The following DNAAF5 variants were observed in gnomAD, a reference collection of about 807,000 sequenced individuals.
DNAAF5 encodes dynein axonemal assembly factor 5.
In DNAAF5, 64 loss-of-function variants were observed where a neutral mutation model predicts 75.8. That is an observed-to-expected ratio of 0.84 (90% CI 0.69 to 1.04). DNAAF5 has a LOEUF of 1.04. Ranked by LOEUF, DNAAF5 falls within the 50% of genes least tolerant of loss-of-function variation. The pLI is 0.00. For missense variants in DNAAF5, 1,269 were observed against 1,178.5 expected, an observed-to-expected ratio of 1.08 and a Z score of -1.12; for synonymous variants, 657 against 557.2, an observed-to-expected ratio of 1.18 and a Z score of -2.52.
chr7:760,943 C>T (rs1347225985), intron 6 of DNAAF5, among the ~76,000 whole-genome samples: 2 of 152,358 alleles, frequency 1.3e-5, no homozygotes, highest in African/African-American at 2.4e-5. Context: ...GGCAGCAGAG[C>T]GACTGCCAGC....
intron 2 of DNAAF5, among the ~76,000 whole-genome samples, chr7:734,892 G>A: frequency 6.6e-6 from 1 of 152,134 alleles, no homozygotes; most frequent in Non-Finnish European, 1.5e-5. Context: ...CAGTGTAGCT[G>A]CTCACGGTGT....
At chr7:760,427 C>T (rs944638158) in intron 6 of DNAAF5, among the ~76,000 whole-genome samples, 6 of 152,182 alleles carry the variant, frequency 3.9e-5, no homozygotes, top group South Asian at 2.1e-4. Context: ...TACATGGCCA[C>T]GGTCCTGACT....
intron 6 of DNAAF5, among the ~76,000 whole-genome samples, chr7:760,064 ACGGGGCCGCGCGGCTCCTC>A (rs1262778176): frequency 1.9e-4 from 2 of 10,486 alleles, no homozygotes; most frequent in Admixed American, 1.1e-3. Context: ...TCCGAGGGAG[ACGGGGCCGCGCGGCTCCTC>A]CAGCTCTGAG....
At chr7:764,508 C>T (rs1318292608) in intron 8 of DNAAF5, among the ~76,000 whole-genome samples, 1 of 152,222 alleles carries the variant, frequency 6.6e-6, no homozygotes, top group Admixed American at 6.5e-5. Context: ...GGACACACGG[C>T]CCGCGCTGCT....
intron 8 of DNAAF5, among the ~76,000 whole-genome samples, chr7:770,156 T>C (rs1778506103): frequency 2.6e-5 from 4 of 152,176 alleles, no homozygotes; most frequent in Admixed American, 2.6e-4. Flanking sequence ...TTCACCATGT[T>C]GACCAGGCTG....
chr7:750,303 G>A (rs969067256), intron 4 of DNAAF5, among the ~76,000 whole-genome samples: 2 of 152,178 alleles, frequency 1.3e-5, no homozygotes, highest in African/African-American at 4.8e-5. Context: ...ATCTAGGCTT[G>A]TGTACGTCAC....
chr7:773,357 C>G (rs1262148551), intron 9 of DNAAF5, among the ~76,000 whole-genome samples: 1 of 152,210 alleles, frequency 6.6e-6, no homozygotes, highest in Non-Finnish European at 1.5e-5. Flanking sequence ...GGCTGTGGAG[C>G]TGGTCTTGGA....
chr7:764,110 A>G (rs937842796), intron 8 of DNAAF5, 136 bp downstream of exon 8: 21 of 889,534 alleles, frequency 2.4e-5, no homozygotes, highest in African/African-American at 2.3e-4. Flanking sequence ...AAAGTACCCA[A>G]TAGTCACTCT....
intron 8 of DNAAF5, among the ~76,000 whole-genome samples, chr7:765,403 A>G (rs974005525): frequency 3.3e-5 from 5 of 152,282 alleles, no homozygotes; most frequent in Middle Eastern, 3.4e-3. Flanking sequence ...TGTTACTCCT[A>G]ACAACCTCTT....
At chr7:745,081 T>G (rs73032421) in intron 4 of DNAAF5, among the ~76,000 whole-genome samples, 56,858 of 151,774 alleles carry the variant, frequency 0.37, 10,776 homozygotes, top group South Asian at 0.5. Context: ...GTCGGACCTT[T>G]AAGCTAAGCT....
At chr7:759,079 A>G (rs963247188) in intron 6 of DNAAF5, among the ~76,000 whole-genome samples, 1 of 148,986 alleles carries the variant, frequency 6.7e-6, no homozygotes, top group Non-Finnish European at 1.5e-5. Flanking sequence ...TGCTCTTCCC[A>G]CGCCCCTGTG....
chr7:760,032 A>G (rs988897307), intron 6 of DNAAF5, among the ~76,000 whole-genome samples: 1 of 151,622 alleles, frequency 6.6e-6, no homozygotes, highest in Non-Finnish European at 1.5e-5. Flanking sequence ...GGGCCACGAC[A>G]GGGCCACACG....
At chr7:766,396 C>G (rs781422418) in intron 8 of DNAAF5, among the ~76,000 whole-genome samples, 8 of 152,100 alleles carry the variant, frequency 5.3e-5, no homozygotes, top group African/African-American at 9.7e-5. Flanking sequence ...TTAAATTTCT[C>G]ATTTACAAAA....
chr7:744,124 G>A (rs1357335893), intron 4 of DNAAF5, among the ~76,000 whole-genome samples: 1 of 151,928 alleles, frequency 6.6e-6, no homozygotes, highest in African/African-American at 2.4e-5. Flanking sequence ...AGAGTGTGAT[G>A]TTCCCCTTCC....
At position 745,339 on chromosome 7, in the gene DNAAF5, C is replaced by G. The variant is rs1268592862; in HGVS notation, c.1024+3874C>G. ...TCCCGCTGTGCACCGGAGAGGGAGG[C>G]GGGGGGTCGGGGGGACTGTTTCTGG... On this transcript the variant is annotated intron_variant, in intron 4 of 12. Coordinates refer to ENST00000297440, the MANE Select transcript of DNAAF5 (RefSeq NM_017802.4). 2.6e-5 allele frequency among the ~76,000 whole-genome samples: 4 copies of G among 152,052 alleles called. No individual in the cohort carries two copies. The South Asian group carries it at 8.3e-4, about 32-fold the overall frequency.
At chr7:736,894 T>TG (rs1210550957) in intron 2 of DNAAF5, among the ~76,000 whole-genome samples, 1 of 152,006 alleles carries the variant, frequency 6.6e-6, no homozygotes, top group Non-Finnish European at 1.5e-5. Flanking sequence ...GAAGTTACCA[T>TG]GAGGCTTGCA....
Position 764,040 on chromosome 7 carries a change from G to A in DNAAF5, c.1783+66G>A, listed in dbSNP as rs140380097. The A allele has an allele frequency of 7.0e-6, 11 of 1,561,598 alleles. No homozygotes were observed. The East Asian group carries it at 1.3e-4, about 19-fold the overall frequency. ...CTCAGGCTACACACCTGCTCCCCCAGGTGCTCAGCAGGTACCAGCGCCGAC... is the reference window on the plus strand; with the variant it reads ...CTCAGGCTACACACCTGCTCCCCCAAGTGCTCAGCAGGTACCAGCGCCGAC... On this transcript the variant is annotated intron_variant, in intron 8 of 12. Coordinates refer to ENST00000297440, the MANE Select transcript of DNAAF5 (RefSeq NM_017802.4).
chr7:729,885 C>G (rs1357610435), intron 2 of DNAAF5, 38 bp downstream of exon 2: 6 of 1,600,314 alleles, frequency 3.7e-6, no homozygotes, highest in Non-Finnish European at 5.1e-6. Flanking sequence ...GTTCCTCTCT[C>G]CAACACAGGC....
intron 8 of DNAAF5, 78 bp from the exon 9 acceptor site, chr7:770,392 TG>T: frequency 5.0e-6 from 7 of 1,409,068 alleles, no homozygotes; most frequent in Non-Finnish European, 6.7e-6. Flanking sequence ...TGGGAGCGCC[TG>T]AGCCTGGGCC....
Sources: allele counts gnomAD v4.1 joint callset (sites outside exome capture counted in the v4.1 genomes callset), GRCh38; gene constraint gnomAD v4.1.1; transcripts MANE v1.5; gene names NCBI Gene and HGNC (gene_info 2026-07-23, HGNC 2026-07-21).